CCSER1: variants seen among roughly 807,000 people sequenced by gnomAD.
CCSER1 encodes the protein coiled-coil serine rich protein 1, also known as serine-rich coiled-coil domain-containing protein 1.
Under a neutral mutation model 82.0 loss-of-function variants are expected in CCSER1, and 41 were observed. The ratio of observed to expected loss-of-function variants is 0.50; its 90% CI spans 0.39 to 0.65. The LOEUF (loss-of-function observed/expected upper bound fraction) is 0.65. CCSER1 is among the 30% of genes least tolerant of loss of function. The pLI is 0.00. For synonymous variants in CCSER1, 414 were observed against 383.9 expected (o/e 1.08, Z -0.92); for missense variants, 1,119 against 1,064.2 (o/e 1.05, Z -0.72).
At chr4:90,726,546 A>AT (rs1358707012) in intron 7 of CCSER1, among the ~76,000 whole-genome samples, 4 of 151,964 alleles carry the variant, frequency 2.6e-5, no homozygotes, top group South Asian at 4.1e-4. Context: ...TCAAATGTTT[A>AT]TTTTTTCCAA....
At chr4:90,688,035 A>C (rs1443766400) in intron 6 of CCSER1, among the ~76,000 whole-genome samples, 59 of 152,162 alleles carry the variant, frequency 3.9e-4, no homozygotes, top group Admixed American at 3.9e-3. Context: ...ATTTCTTTAA[A>C]TGCAGAAACA....
intron 7 of CCSER1, among the ~76,000 whole-genome samples, chr4:90,752,512 A>G (rs1394446507): frequency 6.6e-6 from 1 of 152,056 alleles, no homozygotes; most frequent in Non-Finnish European, 1.5e-5. Context: ...AATATTTACA[A>G]TTTTATTATT....
intron 9 of CCSER1, among the ~76,000 whole-genome samples, chr4:90,934,115 TAAA>T (rs1730625977): frequency 6.6e-6 from 1 of 151,910 alleles, no homozygotes. Context: ...TTGTAACAGT[TAAA>T]GAAGAAAAAC....
chr4:90,498,768 A>C (rs1328462142), intron 5 of CCSER1, among the ~76,000 whole-genome samples: 1 of 152,116 alleles, frequency 6.6e-6, no homozygotes, highest in Non-Finnish European at 1.5e-5. Context: ...TCACATCACA[A>C]AAAGAATTAA....
At chr4:91,380,145 C>A (rs1295685267) in intron 10 of CCSER1, among the ~76,000 whole-genome samples, 1 of 152,098 alleles carries the variant, frequency 6.6e-6, no homozygotes, top group Non-Finnish European at 1.5e-5. Flanking sequence ...TTTACATTTG[C>A]TGAGGAGTGC....
intron 10 of CCSER1, among the ~76,000 whole-genome samples, chr4:91,130,448 C>G (rs1727898559): frequency 6.6e-6 from 1 of 151,824 alleles, no homozygotes; most frequent in African/African-American, 2.4e-5. Flanking sequence ...AGGTCCTTCT[C>G]AGTTCTAAGT....
chr4:91,242,833 G>A (rs963074196), intron 10 of CCSER1, among the ~76,000 whole-genome samples: 3 of 152,144 alleles, frequency 2.0e-5, no homozygotes, highest in African/African-American at 7.2e-5. Context: ...AGATCTAAAG[G>A]TTGGGGGTCA....
chr4:90,396,272 A>G (rs551778507), intron 3 of CCSER1, among the ~76,000 whole-genome samples: 5 of 152,190 alleles, frequency 3.3e-5, no homozygotes, highest in Non-Finnish European at 7.3e-5. Context: ...TATATTTGAG[A>G]TATCATCATT....
chr4:90,513,965 G>C (rs554614877), intron 5 of CCSER1, among the ~76,000 whole-genome samples: 1 of 152,156 alleles, frequency 6.6e-6, no homozygotes, highest in Non-Finnish European at 1.5e-5. Flanking sequence ...AGTGCAAGGA[G>C]AATAGGGGGA....
intron 5 of CCSER1, among the ~76,000 whole-genome samples, chr4:90,557,644 C>T (rs965838486): frequency 6.6e-6 from 1 of 152,076 alleles, no homozygotes; most frequent in African/African-American, 2.4e-5. Flanking sequence ...TTTCTTAAGG[C>T]ATTGTACCTC....
At chr4:90,993,653 A>G (rs570741330) in intron 9 of CCSER1, among the ~76,000 whole-genome samples, 16 of 152,110 alleles carry the variant, frequency 1.1e-4, no homozygotes, top group African/African-American at 3.9e-4. Flanking sequence ...TTGGTTCCTG[A>G]TGAGGCCCTT....
chr4:90,714,553 G>GATAAGGGGTCAGAGACAGAATTTCTTATT (rs1741274382), intron 6 of CCSER1, among the ~76,000 whole-genome samples: 1 of 151,974 alleles, frequency 6.6e-6, no homozygotes, highest in African/African-American at 2.4e-5. Context: ...CCCCTACATA[G>GATAAGGGGTCAGAGACAGAATTTCTTATT]ATAAGGGGTC....
At chr4:90,592,160 C>G (rs987787948) in intron 5 of CCSER1, among the ~76,000 whole-genome samples, 2 of 152,038 alleles carry the variant, frequency 1.3e-5, no homozygotes, top group African/African-American at 4.8e-5. Flanking sequence ...CATAAAAAAC[C>G]TGCACGTTCT....
At chr4:90,136,229 G>A (rs1437755976) in intron 1 of CCSER1, among the ~76,000 whole-genome samples, 5 of 152,118 alleles carry the variant, frequency 3.3e-5, no homozygotes, top group Non-Finnish European at 7.4e-5. Context: ...GAGCACTCTT[G>A]TAGGTCCTAG....
chr4:90,154,946 T>G (rs924277655), intron 1 of CCSER1, among the ~76,000 whole-genome samples: 5 of 152,098 alleles, frequency 3.3e-5, no homozygotes, highest in Non-Finnish European at 5.9e-5. Context: ...GAGGGCATCC[T>G]TGTCTTGTGC....
At chr4:91,222,926 G>C (rs904180176) in intron 10 of CCSER1, among the ~76,000 whole-genome samples, 2 of 151,146 alleles carry the variant, frequency 1.3e-5, no homozygotes, top group African/African-American at 4.8e-5. Context: ...ATGAAAAATA[G>C]AGATATTATC....
chr4:91,184,914 G>T (rs536392883), intron 10 of CCSER1, among the ~76,000 whole-genome samples: 1 of 152,240 alleles, frequency 6.6e-6, no homozygotes, highest in South Asian at 2.1e-4. Flanking sequence ...TAAATTTATA[G>T]GTACAGAAGT....
At chr4:90,176,487 C>T (rs2153382314) in intron 1 of CCSER1, among the ~76,000 whole-genome samples, 1 of 152,038 alleles carries the variant, frequency 6.6e-6, no homozygotes, top group African/African-American at 2.4e-5. Context: ...AACATACCCA[C>T]TTATTAAGAG....
intron 10 of CCSER1, among the ~76,000 whole-genome samples, chr4:91,382,831 A>G (rs1297607744): frequency 6.6e-6 from 1 of 152,036 alleles, no homozygotes; most frequent in African/African-American, 2.4e-5. Context: ...AGCTCTTCCT[A>G]TTTGGCCGTC....
Sources: gnomAD v4.1 joint callset for allele counts (sites outside exome capture counted in the v4.1 genomes callset) on GRCh38, gnomAD v4.1.1 for gene constraint, MANE v1.5 for transcripts, NCBI Gene and HGNC (gene_info 2026-07-23, HGNC 2026-07-21) for gene names.